TEX15: variants seen among roughly 807,000 people sequenced by gnomAD.
The protein encoded by TEX15 is testis expressed 15, meiosis and synapsis associated.
Under a neutral mutation model 237.3 loss-of-function variants are expected in TEX15, and 171 were observed. The ratio of observed to expected loss-of-function variants is 0.72; its 90% confidence interval spans 0.64 to 0.82. TEX15 has a LOEUF of 0.82. Among genes scored for constraint, TEX15 ranks in the 40% least tolerant of loss-of-function variants. The pLI is 0.00. For missense variants in TEX15, 3,750 were observed against 3,646.5 expected, an observed-to-expected ratio of 1.03 and a Z score of -0.73; for synonymous variants, 1,338 against 1,269.8, an observed-to-expected ratio of 1.05 and a Z score of -1.14.
At chr8:30,885,394 CTCTT>C (rs2128775682) in intron 3 of TEX15, among the ~76,000 whole-genome samples, 1 of 152,308 alleles carries the variant, frequency 6.6e-6, no homozygotes, top group East Asian at 1.9e-4. Flanking sequence ...TAAGCTCTCT[CTCTT>C]TGCCTGCTGC....
chr8:30,854,836 C>A (rs1807872884), intron 7 of TEX15, among the ~76,000 whole-genome samples: 1 of 152,018 alleles, frequency 6.6e-6, no homozygotes, highest in Admixed American at 6.6e-5. Flanking sequence ...CATCTAAAAT[C>A]AATTAATGTA....
intron 7 of TEX15, 124 bp from the exon 8 acceptor site, chr8:30,849,440 ATG>A (rs1390253666): frequency 1.9e-6 from 1 of 538,556 alleles, no homozygotes; most frequent in African/African-American, 1.9e-5. Context: ...GATGATTAAA[ATG>A]TGTTTTCAAC....
intron 8 of TEX15, among the ~76,000 whole-genome samples, chr8:30,840,316 C>A (rs895610889): frequency 2.0e-5 from 3 of 151,978 alleles, no homozygotes; most frequent in African/African-American, 7.3e-5. Context: ...CTGCCTCAGC[C>A]TCCAGAGTAG....
At chr8:30,898,592 ATACTT>A (rs1173525506) in intron 2 of TEX15, 145 bp downstream of exon 2, 2 of 152,246 alleles carry the variant, frequency 1.3e-5, no homozygotes, top group Non-Finnish European at 2.9e-5. Context: ...AAATATTTAC[ATACTT>A]TAAAGTATTC....
In TEX15 at chr8:30,842,981, C is replaced by T; in HGVS notation, c.7186G>A (p.Asp2396Asn). ...TATTTTTTTAAAATTTCTAAGTGAT[C>T]TGTACATCTCAAGGTGAGATCCTGT... ...KLQDLTLRCT[D>N]HLEILKKYFQ... is the part of the protein sequence containing the mutation. The change falls in exon 8 of 11, where the codon GAT becomes AAT. Residue 2396 changes from aspartate (D) to asparagine (N), a missense_variant. Asp to Asn is a conservative substitution (Grantham distance 23). Transcript: ENST00000643185. 1 of 1,612,948 alleles carries T rather than the reference C, an allele frequency of 6.2e-7. No homozygotes were observed. Among genetic ancestry groups the T allele is most frequent in the African/African-American group, 1.3e-5 (1 of 74,988 alleles).
intron 3 of TEX15, among the ~76,000 whole-genome samples, chr8:30,876,544 A>G (rs1808403225): frequency 1.3e-5 from 2 of 152,134 alleles, no homozygotes; most frequent in Non-Finnish European, 2.9e-5. Context: ...TACAGATGTT[A>G]CCTTAGCACT....
chr8:30,904,446 CAAAAA>C (rs200542503), intron 1 of TEX15, among the ~76,000 whole-genome samples: 2 of 102,032 alleles, frequency 2.0e-5, no homozygotes, highest in African/African-American at 3.5e-5. Flanking sequence ...GACTCCGTCT[CAAAAA>C]AAAAAAAAAA....
chr8:30,912,262 G>A (rs1018655848), intron 1 of TEX15, among the ~76,000 whole-genome samples: 6 of 151,614 alleles, frequency 4.0e-5, no homozygotes, highest in Non-Finnish European at 7.4e-5. Context: ...CCCGGGCGGC[G>A]TTCCCCGCCC....
rs1366501960 is a variant in TEX15, at chr8:30,831,617, G to GT, written c.*1668dup. ...TTTAAAAATGTAACTGAATATTTAG[G>GT]TAAGTCTTTAAGAGAAATTAAAACC... On this transcript the variant is annotated 3_prime_UTR_variant, in exon 11 of 11. Coordinates refer to ENST00000643185, the MANE Select transcript of TEX15 (RefSeq NM_001350162.2). 2.0e-5 allele frequency: 3 copies of GT among 151,958 alleles called. No individual in the cohort carries two copies. Among genetic ancestry groups the GT allele is most frequent in the Admixed American group, 2.0e-4 (3 of 15,250 alleles). 9.4% of individuals were successfully genotyped at this position (151,958 alleles called of 1,614,324 possible).
intron 10 of TEX15, among the ~76,000 whole-genome samples, chr8:30,835,256 T>C (rs1379121055): frequency 6.6e-6 from 1 of 152,074 alleles, no homozygotes; most frequent in African/African-American, 2.4e-5. Flanking sequence ...AGGTGTGTAC[T>C]ACCACTCCCA....
chr8:30,871,721 A>C (rs775814132), intron 4 of TEX15, among the ~76,000 whole-genome samples: 9 of 152,024 alleles, frequency 5.9e-5, no homozygotes, highest in Admixed American at 1.3e-4. Flanking sequence ...CTTTCAATCC[A>C]CCTCACAAGG....
intron 7 of TEX15, among the ~76,000 whole-genome samples, chr8:30,852,331 G>T (rs1261820129): frequency 2.0e-5 from 3 of 151,918 alleles, no homozygotes; most frequent in East Asian, 3.9e-4. Context: ...CTGAAGTCGT[G>T]ATCCGCCCGC....
chr8:30,891,942 G>A (rs1338382578), intron 2 of TEX15, among the ~76,000 whole-genome samples: 1 of 152,106 alleles, frequency 6.6e-6, no homozygotes, highest in Non-Finnish European at 1.5e-5. Context: ...TTTATTGCAA[G>A]TAATTCCCCC....
chr8:30,879,231 T>C (rs1007048382), intron 3 of TEX15, among the ~76,000 whole-genome samples: 4 of 152,194 alleles, frequency 2.6e-5, no homozygotes, highest in Non-Finnish European at 5.9e-5. Context: ...CATTCCTAGC[T>C]TATCTTCTCA....
rs757856835 is a variant in TEX15 at position 30,845,712 on chromosome 8, T to C, written c.4455A>G (p.Lys1485=). ...HKSYKTSGEK[K]CLSRKSMASS... Reference sequence around the variant, plus strand: ...TAGCCATACTTTTCCTAGAAAGGCATTTTTTCTCTCCACTTGTTTTATAAG... The same window carrying C: ...TAGCCATACTTTTCCTAGAAAGGCACTTTTTCTCTCCACTTGTTTTATAAG... Residue 1485 remains lysine (K), a synonymous_variant, in exon 8 of 11, where the codon AAA becomes AAG. Transcript: ENST00000643185. 4 of 1,613,634 alleles carry C rather than the reference T, an allele frequency of 2.5e-6. No individual in the cohort carries two copies. In the Admixed American group the frequency reaches 6.7e-5, roughly 27 times the overall value.
At chr8:30,893,844 A>G (rs1197899878) in intron 2 of TEX15, among the ~76,000 whole-genome samples, 2 of 152,250 alleles carry the variant, frequency 1.3e-5, no homozygotes, top group East Asian at 3.8e-4. Context: ...TTCAACAATT[A>G]TGTGAAATTC....
At chr8:30,864,400 T>G (rs1332188946) in intron 5 of TEX15, among the ~76,000 whole-genome samples, 1 of 151,314 alleles carries the variant, frequency 6.6e-6, no homozygotes, top group Non-Finnish European at 1.5e-5. Flanking sequence ...AGAGAACATT[T>G]GAAGAAATGA....
intron 7 of TEX15, among the ~76,000 whole-genome samples, chr8:30,850,525 A>C (rs767919231): frequency 4.6e-5 from 7 of 152,208 alleles, no homozygotes; most frequent in Non-Finnish European, 7.3e-5. Flanking sequence ...AGCTATGTTG[A>C]AGATTTCTAA....
chr8:30,847,581 TTCTCTA>T lies in TEX15; in HGVS notation c.2580_2585del (p.Asp860_Arg861del), dbSNP rs1455672320. On this transcript the variant is annotated inframe_deletion, in exon 8 of 11. Transcript: ENST00000643185. ...TATTCTCTTTAGCCTCATTTTGGTT[TTCTCTA>T]TCTGTTTGTTTTTTGAAATTAACAT... The T allele has an allele frequency of 3.7e-6, 6 of 1,612,778 alleles. No homozygotes were observed. The highest frequency in any genetic ancestry group is 1.6e-4 in the Middle Eastern group (1 of 6,080).
Sources: allele counts gnomAD v4.1 joint callset (sites outside exome capture counted in the v4.1 genomes callset), GRCh38; gene constraint gnomAD v4.1.1; transcripts MANE v1.5; gene names NCBI Gene and HGNC (gene_info 2026-07-23, HGNC 2026-07-21).